BICRAL: variants seen among roughly 807,000 people sequenced by gnomAD.
BICRAL encodes BRD4-interacting chromatin-remodeling complex-associated protein-like.
Under a neutral mutation model 91.8 loss-of-function variants are expected in BICRAL, and 8 were observed. That is an observed-to-expected ratio of 0.09 (90% CI 0.05 to 0.16). The LOEUF (loss-of-function observed/expected upper bound fraction) is 0.16. BICRAL is among the 10% of genes least tolerant of loss of function. The probability of loss-of-function intolerance (pLI) is 1.00; values close to 1 mark genes in which losing one functional copy is unlikely to be tolerated. For missense variants in BICRAL, 1,038 were observed against 1,310.9 expected (o/e 0.79, Z 3.21); for synonymous variants, 445 against 491.1 (o/e 0.91, Z 1.24).
At chr6:42,814,235 GTTT>G (rs531185819) in intron 2 of BICRAL, among the ~76,000 whole-genome samples, 1 of 104,968 alleles carries the variant, frequency 9.5e-6, no homozygotes, top group African/African-American at 3.6e-5. Flanking sequence ...CTCTTGGTGG[GTTT>G]TTTTTTTTTT....
At chr6:42,834,038 G>A (rs1457456041) in intron 6 of BICRAL, among the ~76,000 whole-genome samples, 2 of 149,010 alleles carry the variant, frequency 1.3e-5, no homozygotes, top group African/African-American at 4.9e-5. Flanking sequence ...ATTTTTGGTA[G>A]AGACGTGGTT....
rs116284599 is a variant in BICRAL, at chr6:42,762,230, A to G, written c.-261+15207A>G. Among the ~76,000 whole-genome samples the G allele has an allele frequency of 8.6e-3, 1,314 of 152,278 alleles. 19 individuals carry two copies. The highest frequency in any genetic ancestry group is 0.029 in the African/African-American group (1,199 of 41,544). On this transcript the variant is annotated intron_variant, in intron 1 of 14. Transcript: ENST00000614467. ...GAATAGTTGGGCAGAATTTACATGT[A>G]AATAATGCCAGGAAAAAACAAAACA...
intron 1 of BICRAL, among the ~76,000 whole-genome samples, chr6:42,755,896 A>G (rs991676032): frequency 1.7e-4 from 26 of 148,748 alleles, no homozygotes; most frequent in Non-Finnish European, 2.2e-4. Context: ...TTGGTCTTGA[A>G]CTCCTGAGCT....
chr6:42,808,027 C>T (rs1763757521), intron 1 of BICRAL, among the ~76,000 whole-genome samples: 1 of 151,966 alleles, frequency 6.6e-6, no homozygotes, highest in Non-Finnish European at 1.5e-5. Context: ...TATTTAAAAC[C>T]TGGGTATTTT....
upstream of BICRAL, among the ~76,000 whole-genome samples, chr6:42,777,100 A>C (rs564544628): frequency 6.6e-6 from 1 of 152,358 alleles, no homozygotes; most frequent in South Asian, 2.1e-4. Flanking sequence ...AGGGAACATA[A>C]GAGAAACATA....
At chr6:42,749,786 CTTATA>C (rs58477431) in intron 1 of BICRAL, among the ~76,000 whole-genome samples, 18,456 of 151,654 alleles carry the variant, frequency 0.12, 1,183 homozygotes, top group Admixed American at 0.16. Flanking sequence ...TGGCCCATCC[CTTATA>C]TTATATTATT....
intron 5 of BICRAL, among the ~76,000 whole-genome samples, chr6:42,823,959 C>T (rs1161691141): frequency 1.3e-5 from 2 of 151,730 alleles, no homozygotes; most frequent in Non-Finnish European, 2.9e-5. Flanking sequence ...AATAATACAC[C>T]AGGCATGGTG....
Position 42,822,960 on chromosome 6 carries a change from G to A in BICRAL, c.116G>A (p.Gly39Glu). Residue 39 changes from glycine (G) to glutamate (E), a missense_variant, in exon 5 of 13, where the codon GGA (glycine) becomes GAA (glutamate). Physicochemically the swap from Gly to Glu is moderately conservative, Grantham distance 98. Coordinates refer to ENST00000314073, the MANE Select transcript of BICRAL (RefSeq NM_001393499.1). ...AGCAATGATGACTTGACTAATGCAG[G>A]ATATTCTGCAGCCAATTCAAATTCA... ...KSSNDDLTNAGYSAANSNSIF... is the reference protein window; with the variant it reads ...KSSNDDLTNAEYSAANSNSIF... 6.2e-7 allele frequency: 1 copy of A among 1,610,770 alleles called. No homozygotes were observed. The highest frequency in any genetic ancestry group is 8.5e-7 in the Non-Finnish European group (1 of 1,177,126).
chr6:42,785,037 A>G (rs958889568), intron 1 of BICRAL, among the ~76,000 whole-genome samples: 10 of 152,172 alleles, frequency 6.6e-5, no homozygotes, highest in African/African-American at 2.2e-4. Flanking sequence ...TTTGAGTTTC[A>G]GTAGTTTTTT....
At position 42,865,557 on chromosome 6, in the gene BICRAL, G is replaced by A; in HGVS notation, c.*111G>A. On this transcript the variant is annotated 3_prime_UTR_variant, in exon 13 of 13. Transcript: ENST00000314073. ...AAATGGAAATGGTCTCCTGTCTCCA[G>A]CCTGCTTGATCTTTCATCACAGGTT... The A allele has an allele frequency of 1.6e-6, 1 of 610,842 alleles. No homozygotes were observed. Among genetic ancestry groups the A allele is most frequent in the Non-Finnish European group, 2.9e-6 (1 of 346,564 alleles). 37.8% of individuals were successfully genotyped at this position (610,842 alleles called of 1,614,324 possible).
At chr6:42,789,432 G>A (rs1763203102) in intron 1 of BICRAL, among the ~76,000 whole-genome samples, 1 of 152,126 alleles carries the variant, frequency 6.6e-6, no homozygotes. Context: ...TTTGAGGCCA[G>A]GAGTTCAAAA....
At chr6:42,824,170 G>T (rs547526883) in intron 5 of BICRAL, among the ~76,000 whole-genome samples, 1 of 151,974 alleles carries the variant, frequency 6.6e-6, no homozygotes, top group African/African-American at 2.4e-5. Context: ...GTTGGAGGTT[G>T]CAGTGAGCCA....
At position 42,865,671 on chromosome 6, in the gene BICRAL, A is replaced by C. The variant is rs539913636; in HGVS notation, c.*225A>C. ...TCCTTTAGTAAAATTAATCCTTGGCAGAAAGCAGTCTGATAGGCCCCACTC... is the reference window on the plus strand; with the variant it reads ...TCCTTTAGTAAAATTAATCCTTGGCCGAAAGCAGTCTGATAGGCCCCACTC... On this transcript the variant is annotated 3_prime_UTR_variant, in exon 13 of 13. Transcript: ENST00000314073. The C allele has an allele frequency of 3.8e-6, 2 of 521,300 alleles. No individual in the cohort carries two copies. Among genetic ancestry groups the C allele is most frequent in the African/African-American group, 3.8e-5 (2 of 52,590 alleles). The allele number at this position is 521,300 out of a possible 1,614,324, so 32.3% of individuals were successfully genotyped here.
chr6:42,832,457 C>A (rs1337515894), intron 6 of BICRAL, among the ~76,000 whole-genome samples: 2 of 145,942 alleles, frequency 1.4e-5, no homozygotes, highest in African/African-American at 2.5e-5. Flanking sequence ...ATGTATATAT[C>A]AATTTTTTAA....
intron 2 of BICRAL, among the ~76,000 whole-genome samples, chr6:42,812,488 A>G (rs928188565): frequency 6.6e-6 from 1 of 152,166 alleles, no homozygotes; most frequent in Non-Finnish European, 1.5e-5. Context: ...TAGTGGAAAG[A>G]TTAAACAAAT....
chr6:42,804,005 ATTG>A (rs1196571793), intron 1 of BICRAL, among the ~76,000 whole-genome samples: 1 of 152,022 alleles, frequency 6.6e-6, no homozygotes, highest in African/African-American at 2.4e-5. Context: ...GTTTTTTGTT[ATTG>A]TTGTTGTGTT....
chr6:42,845,193 G>GTGT (rs1764960227), intron 6 of BICRAL, among the ~76,000 whole-genome samples: 1 of 34,132 alleles, frequency 2.9e-5, no homozygotes, highest in Non-Finnish European at 6.1e-5. Flanking sequence ...TGTTTTTTGG[G>GTGT]TGTTTTTTTT....
Position 42,853,695 on chromosome 6 carries a change from A to G in BICRAL, c.2003A>G (p.Gln668Arg), listed in dbSNP as rs1351922488. ...TCCTTAGGAACCGCACAACCACAGCAGGAAAAAGTAGTTGGATCATCTCCT... is the reference window on the plus strand; with the variant it reads ...TCCTTAGGAACCGCACAACCACAGCGGGAAAAAGTAGTTGGATCATCTCCT... ...SASLGTAQPQ[Q>R]EKVVGSSPGH... Residue 668 changes from glutamine (Q) to arginine (R), a missense_variant, in exon 8 of 13, where the codon CAG becomes CGG. Physicochemically the swap from Gln to Arg is conservative, Grantham distance 43. Transcript: ENST00000314073. The G allele has an allele frequency of 6.2e-7, 1 of 1,613,958 alleles. No individual in the cohort carries two copies. Among genetic ancestry groups the G allele is most frequent in the Admixed American group, 1.7e-5 (1 of 60,002 alleles).
At chr6:42,753,222 T>A (rs761044782) in intron 1 of BICRAL, among the ~76,000 whole-genome samples, 6 of 152,060 alleles carry the variant, frequency 3.9e-5, no homozygotes, top group Non-Finnish European at 7.4e-5. Flanking sequence ...CCACCATGCC[T>A]GGCCTGATTT....
Sources: gnomAD v4.1 joint callset for allele counts (sites outside exome capture counted in the v4.1 genomes callset) on GRCh38, gnomAD v4.1.1 for gene constraint, MANE v1.5 for transcripts, NCBI Gene and HGNC (gene_info 2026-07-23, HGNC 2026-07-21) for gene names.